The following AR variants were observed in gnomAD, a reference collection of about 807,000 sequenced individuals.
The protein encoded by AR is dihydrotestosterone receptor.
A neutral mutation model predicts 53.9 loss-of-function variants in AR; 8 were observed. The ratio of observed to expected loss-of-function variants is 0.15; its 90% CI spans 0.09 to 0.27. The LOEUF is 0.27. Among genes scored for constraint, AR ranks in the 10% least tolerant of loss-of-function variants. AR has a pLI of 1.00. For synonymous variants in AR, 359 were observed against 316.4 expected, an observed-to-expected ratio of 1.13 and a Z score of -1.43; for missense variants, 639 against 742.5, an observed-to-expected ratio of 0.86 and a Z score of 1.62.
At chrX:67,671,232 G>A (rs1359366327) in intron 2 of AR, among the ~76,000 whole-genome samples, 2 of 111,793 alleles carry the variant, frequency 1.8e-5, no homozygotes, top group African/African-American at 3.3e-5. Flanking sequence ...GTGTAAAAGC[G>A]TTCCTATTTC....
chrX:67,624,575 G>T lies in AR; in HGVS notation c.1617-18681G>T, dbSNP rs188425916. ...AAAGATATGACACAAAAATAAAACTGCAGGCTAATATCACATTTGAATATA... is the reference window on the plus strand; with the variant it reads ...AAAGATATGACACAAAAATAAAACTTCAGGCTAATATCACATTTGAATATA... On this transcript the variant is annotated intron_variant, in intron 1 of 7. Transcript: ENST00000374690. Among the ~76,000 whole-genome samples, 36 of 110,989 alleles carry T rather than the reference G, an allele frequency of 3.2e-4. 1 individual carries two copies. In the East Asian group the frequency reaches 9.7e-3, roughly 30 times the overall value.
At chrX:67,701,703 CACACACAT>C (rs1441264612) in intron 3 of AR, among the ~76,000 whole-genome samples, 2 of 111,216 alleles carry the variant, frequency 1.8e-5, no homozygotes, top group Non-Finnish European at 3.8e-5. Flanking sequence ...CACACACACA[CACACACAT>C]GCACACACAC....
chrX:67,585,728 G>A (rs1922510647), intron 1 of AR, among the ~76,000 whole-genome samples: 1 of 111,941 alleles, frequency 8.9e-6, no homozygotes, highest in South Asian at 3.7e-4. Context: ...TTGGAGATAG[G>A]GAAGAGTTTG....
intron 5 of AR, among the ~76,000 whole-genome samples, chrX:67,719,594 C>A (rs889966007): frequency 8.9e-6 from 1 of 112,043 alleles, no homozygotes; most frequent in Non-Finnish European, 1.9e-5. Context: ...TGTGTTAGAG[C>A]TCTCAGGGTG....
chrX:67,708,582 G>A (rs964240103), intron 3 of AR, among the ~76,000 whole-genome samples: 1 of 111,503 alleles, frequency 9.0e-6, no homozygotes, highest in African/African-American at 3.3e-5. Flanking sequence ...TTTGCGATGG[G>A]TTCAAACTTC....
chrX:67,639,701 G>A (rs1233449475), intron 1 of AR, among the ~76,000 whole-genome samples: 1 of 111,982 alleles, frequency 8.9e-6, no homozygotes, highest in Non-Finnish European at 1.9e-5. Flanking sequence ...TTGCTTGTCA[G>A]CTTAAGGTGA....
intron 1 of AR, among the ~76,000 whole-genome samples, chrX:67,638,666 G>A (rs978147725): frequency 8.9e-6 from 1 of 111,839 alleles, no homozygotes; most frequent in East Asian, 2.8e-4. Flanking sequence ...TTTTGATGGG[G>A]TTGTTTGTCT....
chrX:67,704,726 C>G (rs962187873), intron 3 of AR, among the ~76,000 whole-genome samples: 2 of 111,807 alleles, frequency 1.8e-5, no homozygotes, highest in African/African-American at 6.5e-5. Flanking sequence ...TTGCCGGTGC[C>G]TATGTCATGA....
At chrX:67,662,316 C>G (rs1003303625) in intron 2 of AR, among the ~76,000 whole-genome samples, 1 of 110,850 alleles carries the variant, frequency 9.0e-6, no homozygotes, top group Non-Finnish European at 1.9e-5. Flanking sequence ...CCTGCTTTCT[C>G]TTGTGGGCAT....
chrX:67,626,173 T>A (rs925684518), intron 1 of AR, among the ~76,000 whole-genome samples: 1 of 110,959 alleles, frequency 9.0e-6, no homozygotes, highest in Non-Finnish European at 1.9e-5. Context: ...TCATTCTATC[T>A]AACTATATTA....
chrX:67,548,973 G>A lies in AR; in HGVS notation c.1616+2211G>A, dbSNP rs191375805. ...TGGTGTTCCTGTCTTGTGAGTTGAC[G>A]AAGACTTTCCATTTCTAGGATATAG... On this transcript the variant is annotated intron_variant, in intron 1 of 7. Coordinates refer to ENST00000374690, the MANE Select transcript of AR (RefSeq NM_000044.6). Among the ~76,000 whole-genome samples, 21 of 111,626 alleles carry A rather than the reference G, an allele frequency of 1.9e-4. 1 individual carries two copies. The East Asian group carries it at 5.7e-3, about 30-fold the overall frequency.
intron 3 of AR, among the ~76,000 whole-genome samples, chrX:67,707,349 A>G (rs778968878): frequency 8.9e-6 from 1 of 112,038 alleles, no homozygotes; most frequent in African/African-American, 3.2e-5. Context: ...TATATTTAGG[A>G]TAGTTAGTTC....
At position 67,683,537 on chromosome X, in the gene AR, T is replaced by C. The variant is rs144331014; in HGVS notation, c.1769-2473T>C. 8.2e-3 allele frequency among the ~76,000 whole-genome samples: 917 copies of C among 112,510 alleles called. 7 individuals carry two copies. Among genetic ancestry groups the C allele is most frequent in the African/African-American group, 0.028 (872 of 31,019 alleles). ...TGGGGCCCAGAGAGGCAAAAGGTCT[T>C]GTCCAAGGTCATATAGTGAGTTAGT... On this transcript the variant is annotated intron_variant, in intron 2 of 7. Coordinates refer to ENST00000374690, the MANE Select transcript of AR (RefSeq NM_000044.6).
chrX:67,559,019 A>G (rs777421023), intron 1 of AR, among the ~76,000 whole-genome samples: 1 of 112,298 alleles, frequency 8.9e-6, no homozygotes, highest in Non-Finnish European at 1.9e-5. Flanking sequence ...CACTATATTT[A>G]TGGAATGAGG....
intron 2 of AR, among the ~76,000 whole-genome samples, chrX:67,660,841 C>T (rs1926863822): frequency 8.9e-6 from 1 of 111,813 alleles, no homozygotes; most frequent in East Asian, 2.8e-4. Context: ...TCTTCCTACC[C>T]ATGAGCATGG....
chrX:67,625,499 A>C (rs1382626143), intron 1 of AR, among the ~76,000 whole-genome samples: 2 of 111,585 alleles, frequency 1.8e-5, no homozygotes, highest in East Asian at 5.6e-4. Context: ...TCCTGATTCC[A>C]AACCTTATTA....
chrX:67,584,079 A>G (rs1202526621), intron 1 of AR, among the ~76,000 whole-genome samples: 1 of 112,351 alleles, frequency 8.9e-6, no homozygotes, highest in African/African-American at 3.2e-5. Context: ...TTACTCCATG[A>G]ATAGTTGCTG....
intron 1 of AR, among the ~76,000 whole-genome samples, chrX:67,612,862 A>C (rs748731002): frequency 8.9e-6 from 1 of 112,353 alleles, no homozygotes; most frequent in African/African-American, 3.2e-5. Context: ...AGGCAAGTGC[A>C]ACCAAGAAGA....
At chrX:67,552,668 G>A (rs767739458) in intron 1 of AR, among the ~76,000 whole-genome samples, 8 of 112,192 alleles carry the variant, frequency 7.1e-5, no homozygotes, top group African/African-American at 2.6e-4. Context: ...AGCAACCTAT[G>A]GGGGTCCATT....
Sources: allele counts gnomAD v4.1 joint callset (sites outside exome capture counted in the v4.1 genomes callset), GRCh38; gene constraint gnomAD v4.1.1; transcripts MANE v1.5; gene names NCBI Gene and HGNC (gene_info 2026-07-23, HGNC 2026-07-21).